Variants in LARP4B observed in about 807,000 individuals in gnomAD.
The protein encoded by LARP4B is La ribonucleoprotein 4B.
A neutral mutation model predicts 89.8 loss-of-function variants in LARP4B; 12 were observed. The ratio of observed to expected loss-of-function variants is 0.13; its 90% CI spans 0.09 to 0.22. The LOEUF is 0.22. Among genes scored for constraint, LARP4B ranks in the 10% least tolerant of loss-of-function variants. The pLI, the probability that LARP4B is intolerant of heterozygous loss-of-function variation, is 1.00. For missense variants in LARP4B, 757 were observed against 947.7 expected (o/e 0.80, Z 2.64); for synonymous variants, 367 against 363.3 (o/e 1.01, Z -0.12).
chr10:829,432 T>C lies in LARP4B; in HGVS notation c.1078A>G (p.Thr360Ala). 3.1e-6 allele frequency: 5 copies of C among 1,612,620 alleles called. No homozygotes were observed. The highest frequency in any genetic ancestry group is 4.2e-6 in the Non-Finnish European group (5 of 1,179,506). ...QQQFPLYSLI[T>A]PQTWSATHSY... Reference sequence around the variant, plus strand: ...TGCGTTGCTGACCACGTCTGGGGAGTGATCAGGCTGTACAGGGGGAACTGC... The same window carrying C: ...TGCGTTGCTGACCACGTCTGGGGAGCGATCAGGCTGTACAGGGGGAACTGC... The change falls in exon 11 of 18, where the codon ACT becomes GCT. Residue 360 changes from threonine (T) to alanine (A), a missense_variant. Physicochemically the swap from Thr to Ala is moderately conservative, Grantham distance 58. Transcript: ENST00000316157.
chr10:820,043 T>C (rs937335494), intron 14 of LARP4B: 1 of 152,010 alleles, frequency 6.6e-6, no homozygotes, highest in Admixed American at 6.6e-5. Flanking sequence ...CCCATCTTCG[T>C]GGGTACTGCT....
At chr10:859,331 G>GGAA (rs1397105775) in intron 5 of LARP4B, among the ~76,000 whole-genome samples, 2 of 151,448 alleles carry the variant, frequency 1.3e-5, no homozygotes, top group Admixed American at 1.3e-4. Context: ...TAATAAAACT[G>GGAA]GAACCCTTGT....
chr10:943,109 G>C, the LARP4B span, among the ~76,000 whole-genome samples: 3 of 152,138 alleles, frequency 2.0e-5, no homozygotes, highest in East Asian at 1.9e-4. Flanking sequence ...ACCACCCCTG[G>C]CTGATTTTTG....
chr10:818,070 A>G lies in LARP4B; in HGVS notation c.1531-181T>C, dbSNP rs75355513. 752 of 575,484 alleles carry G rather than the reference A, an allele frequency of 1.3e-3. 4 individuals carry two copies. Among genetic ancestry groups the G allele is most frequent in the East Asian group, 6.4e-3 (220 of 34,526 alleles). The allele number at this position is 575,484 out of a possible 1,614,324, so 35.6% of individuals were successfully genotyped here. On this transcript the variant is annotated intron_variant, in intron 14 of 17. Coordinates refer to ENST00000316157, the MANE Select transcript of LARP4B (RefSeq NM_015155.3). Reference sequence around the variant, plus strand: ...TTCAACCATCTAGAGCAGAGCTGTAAAACTGAAATCTCAAGGATGCTGCTG... The same window carrying G: ...TTCAACCATCTAGAGCAGAGCTGTAGAACTGAAATCTCAAGGATGCTGCTG...
intron 1 of LARP4B, among the ~76,000 whole-genome samples, chr10:920,259 CTAAT>C (rs568059315): frequency 2.0e-5 from 3 of 152,324 alleles, no homozygotes; most frequent in South Asian, 4.1e-4. Context: ...AGCTGTATCT[CTAAT>C]TAATTTTACC....
At chr10:949,355 G>A in the LARP4B span, among the ~76,000 whole-genome samples, 1 of 150,906 alleles carries the variant, frequency 6.6e-6, no homozygotes, top group African/African-American at 2.4e-5. Flanking sequence ...CCAGGCGGCT[G>A]TACCATCTTA....
At chr10:845,235 C>T (rs1833715879) in intron 5 of LARP4B, among the ~76,000 whole-genome samples, 180 bp from the exon 6 acceptor site, 1 of 152,164 alleles carries the variant, frequency 6.6e-6, no homozygotes, top group South Asian at 2.1e-4. Context: ...AAACCTATCC[C>T]TTTATCCCCC....
At chr10:878,249 C>A (rs1258750739) in intron 3 of LARP4B, among the ~76,000 whole-genome samples, 1 of 152,144 alleles carries the variant, frequency 6.6e-6, no homozygotes, top group Non-Finnish European at 1.5e-5. Flanking sequence ...ACAGGAGTGG[C>A]AGGTTCTGAC....
At chr10:977,267 C>A in the LARP4B span, among the ~76,000 whole-genome samples, 1 of 152,156 alleles carries the variant, frequency 6.6e-6, no homozygotes, top group Non-Finnish European at 1.5e-5. Context: ...GATCCTCCCA[C>A]CTCAGCCTCC....
chr10:918,953 C>T (rs1014214681), intron 1 of LARP4B, among the ~76,000 whole-genome samples: 96 of 150,840 alleles, frequency 6.4e-4, no homozygotes, highest in African/African-American at 2.1e-3. Context: ...TGGTGGCGGG[C>T]GCCTGTAGTC....
chr10:836,593 A>G, intron 7 of LARP4B, 87 bp from the exon 8 acceptor site: 4 of 836,884 alleles, frequency 4.8e-6, no homozygotes, highest in Non-Finnish European at 7.6e-6. Flanking sequence ...TTACTATATT[A>G]CTAAATAAGC....
the LARP4B span, among the ~76,000 whole-genome samples, chr10:962,173 G>A: frequency 1.6e-3 from 247 of 152,016 alleles, no homozygotes; most frequent in South Asian, 7.3e-3. Flanking sequence ...GCTCATGCCT[G>A]TAATTCCAGC....
At chr10:908,575 C>G (rs1440079424) in intron 1 of LARP4B, among the ~76,000 whole-genome samples, 2 of 152,134 alleles carry the variant, frequency 1.3e-5, no homozygotes, top group Non-Finnish European at 2.9e-5. Flanking sequence ...AGTGTTGAGA[C>G]TGAAGGGGAG....
chr10:980,831 G>A, the LARP4B span, among the ~76,000 whole-genome samples: 1 of 152,224 alleles, frequency 6.6e-6, no homozygotes, highest in Admixed American at 6.5e-5. Flanking sequence ...TCCCTAGCAA[G>A]TGGTCATTCT....
chr10:925,143 A>C (rs142848160), intron 1 of LARP4B, among the ~76,000 whole-genome samples: 1,978 of 152,290 alleles, frequency 0.013, 39 homozygotes, highest in African/African-American at 0.043. Context: ...CTATCCAAAG[A>C]AGCATGCAGC....
At chr10:834,568 G>A (rs1344238071) in intron 8 of LARP4B, among the ~76,000 whole-genome samples, 4 of 152,114 alleles carry the variant, frequency 2.6e-5, no homozygotes, top group Non-Finnish European at 5.9e-5. Flanking sequence ...GTTCTTACGT[G>A]GATTGTTTTA....
In LARP4B at chr10:825,814, C is replaced by T; in HGVS notation, c.1182G>A (p.Lys394=). 2 of 1,613,946 alleles carry T rather than the reference C, an allele frequency of 1.2e-6. No individual in the cohort carries two copies. Among genetic ancestry groups the T allele is most frequent in the Admixed American group, 1.7e-5 (1 of 60,008 alleles). The part of the protein sequence containing the change: ...FINGFTSPAF[K]PAASPLTSLR... ...GAGAAGTCAGAGGAGACGCCGCAGG[C>T]TTGAACGCTGGAGACGTAAACCCAT... The change falls in exon 12 of 18, where the codon AAG becomes AAA. Residue 394 remains lysine (K), a synonymous_variant. Transcript: ENST00000316157.
intron 12 of LARP4B, 41 bp from the exon 13 acceptor site, chr10:825,357 A>T: frequency 6.3e-7 from 1 of 1,595,006 alleles, no homozygotes; most frequent in Non-Finnish European, 8.6e-7. Flanking sequence ...TTATAAAATG[A>T]TCAAGGCATT....
At chr10:845,116 C>T (rs571686452) in intron 5 of LARP4B, 61 bp from the exon 6 acceptor site, 43 of 1,194,778 alleles carry the variant, frequency 3.6e-5, no homozygotes, top group Admixed American at 1.9e-4. Flanking sequence ...GCAGATAATT[C>T]AGTACAGCAG....
Sources: allele counts gnomAD v4.1 joint callset (sites outside exome capture counted in the v4.1 genomes callset), GRCh38; gene constraint gnomAD v4.1.1; transcripts MANE v1.5; gene names NCBI Gene and HGNC (gene_info 2026-07-23, HGNC 2026-07-21).